IFT172: variants seen among roughly 807,000 people sequenced by gnomAD.
The protein encoded by IFT172 is intraflagellar transport 172, also known as intraflagellar transport protein 172 homolog.
In IFT172, 164 loss-of-function variants were observed where a neutral mutation model predicts 248.9. That is an observed-to-expected ratio of 0.66 (90% confidence interval 0.58 to 0.75). The LOEUF (loss-of-function observed/expected upper bound fraction) is 0.75, where lower values mean the gene tolerates loss of function less well. IFT172 is among the 30% of genes least tolerant of loss of function. The pLI, the probability that IFT172 is intolerant of heterozygous loss-of-function variation, is 0.00. For synonymous variants in IFT172, 729 were observed against 791.6 expected (o/e 0.92, Z 1.33); for missense variants, 1,950 against 2,192.4 (o/e 0.89, Z 2.21).
At chr2:27,470,138 A>G (rs943219686) in intron 16 of IFT172, among the ~76,000 whole-genome samples, 6 of 151,366 alleles carry the variant, frequency 4.0e-5, no homozygotes, top group Non-Finnish European at 7.4e-5. Context: ...CTAGCTGTAC[A>G]GGGGGCTGAG....
At position 27,454,753 on chromosome 2, in the gene IFT172, A is replaced by G; in HGVS notation, c.3372-93T>C. The G allele has an allele frequency of 9.7e-7, 1 of 1,034,608 alleles. No homozygotes were observed. Among genetic ancestry groups the G allele is most frequent in the Non-Finnish European group, 1.5e-6 (1 of 681,280 alleles). The allele number at this position is 1,034,608 out of a possible 1,614,324, so 64.1% of individuals were successfully genotyped here. On this transcript the variant is annotated intron_variant, in intron 30 of 47. Coordinates refer to ENST00000260570, the MANE Select transcript of IFT172 (RefSeq NM_015662.3). This position sits in a 1 kb window ranked among gnomAD's most constrained non-coding sequence, Gnocchi z 4.2. The stretch of plus-strand genomic sequence containing the variant: ...ACAGAGAAAGGACAGAGTTGAGGGG[A>G]GAAAAAGTGACAGATTTAAGGATAA...
In IFT172 at chr2:27,449,567, G is replaced by A; in HGVS notation, c.4161-5C>T. The A allele has an allele frequency of 6.2e-7, 1 of 1,614,118 alleles. No homozygotes were observed. The highest frequency in any genetic ancestry group is 8.5e-7 in the Non-Finnish European group (1 of 1,180,022). ...TGGTCCACATAGTCTTCATACCTGT[G>A]AAGATGTTCAGAGAGCTCCATCTTC... On this transcript the variant is annotated splice_region_variant and splice_polypyrimidine_tract_variant and intron_variant, in intron 37 of 47. Transcript: ENST00000260570.
rs750450341 is a variant in IFT172, at chr2:27,461,323, T to C, written c.2388A>G (p.Thr796=). Residue 796 remains threonine (T), a synonymous_variant, in exon 22 of 48, where the codon ACA becomes ACG. Transcript: ENST00000260570. The stretch of plus-strand genomic sequence containing the variant: ...CTGCAGTGATGTGTTCTACCAGCTC[T>C]GTGTTGGCTAGCAGTTCCTCTCGGG... ...VLTREELLAN[T]ELVEHITAAL... is the part of the protein sequence containing the mutation. 1.4e-5 allele frequency: 22 copies of C among 1,613,966 alleles called. No homozygotes were observed. Among genetic ancestry groups the C allele is most frequent in the Non-Finnish European group, 1.8e-5 (21 of 1,179,944 alleles).
At position 27,465,400 on chromosome 2, in the gene IFT172, G is replaced by A. The variant is rs753304832; in HGVS notation, c.1937+11C>T. The A allele has an allele frequency of 1.2e-6, 2 of 1,609,968 alleles. No individual in the cohort carries two copies. The highest frequency in any genetic ancestry group is 1.7e-5 in the Admixed American group (1 of 60,012). Reference sequence around the variant, plus strand: ...GCTGCGTGGCACCTCTGTTCTACATGTCTACCTCACCTCTCCGCAATGTGT... The same window carrying A: ...GCTGCGTGGCACCTCTGTTCTACATATCTACCTCACCTCTCCGCAATGTGT... On this transcript the variant is annotated intron_variant, in intron 18 of 47. Transcript: ENST00000260570.
At chr2:27,478,388 A>G (rs548259384) in intron 10 of IFT172, among the ~76,000 whole-genome samples, 1 of 152,360 alleles carries the variant, frequency 6.6e-6, no homozygotes, top group South Asian at 2.1e-4. Context: ...TATAATTCTG[A>G]AAGTTCCACT....
intron 20 of IFT172, 123 bp downstream of exon 20, chr2:27,462,578 A>T (rs1235128044): frequency 1.2e-6 from 1 of 800,688 alleles, no homozygotes; most frequent in East Asian, 2.5e-5. Flanking sequence ...CCCCTTTGAA[A>T]GTTTTCCCCA....
chr2:27,461,556 C>CT, intron 21 of IFT172, 39 bp from the exon 22 acceptor site: 1 of 1,604,794 alleles, frequency 6.2e-7, no homozygotes. Context: ...TCACATCCCC[C>CT]TTCCTACCCT....
Position 27,445,107 on chromosome 2 carries a change from T to A in IFT172, c.5069-2A>T. ...TTTTGTTCCTCAGAATGGGGTATCC[T>A]GTGGAGGAAGAAAAAATGATGAACT... On this transcript the variant is annotated splice_acceptor_variant, in intron 46 of 47. Coordinates refer to ENST00000260570, the MANE Select transcript of IFT172 (RefSeq NM_015662.3). LOFTEE classifies it high-confidence loss of function. This position sits in a 1 kb window ranked among gnomAD's most constrained non-coding sequence, Gnocchi z 4.4. 6.2e-7 allele frequency: 1 copy of A among 1,613,900 alleles called. No homozygotes were observed. Among genetic ancestry groups the A allele is most frequent in the Non-Finnish European group, 8.5e-7 (1 of 1,179,962 alleles).
rs754427502 is a variant in IFT172 at position 27,456,524 on chromosome 2, C to T, written c.3358G>A (p.Ala1120Thr). 8 of 1,613,460 alleles carry T rather than the reference C, an allele frequency of 5.0e-6. No homozygotes were observed. In the East Asian group the frequency reaches 6.7e-5, roughly 13 times the overall value. The change falls in exon 30 of 48, where the codon GCT becomes ACT. Residue 1120 changes from alanine to threonine, a missense_variant. Physicochemically the swap from Ala to Thr is moderately conservative, Grantham distance 58. Transcript: ENST00000260570. Reference sequence around the variant, plus strand: ...TTGGGGCCTCACCAATTGTCTGCAGCGTGGTCAACAGCAGCTTCCAGGAGT... The same window carrying T: ...TTGGGGCCTCACCAATTGTCTGCAGTGTGGTCAACAGCAGCTTCCAGGAGT... The part of the protein sequence containing the change: ...LGLLEAAVDH[A>T]ADNCSFEFAF...
chr2:27,463,408 G>A (rs1666834749), intron 18 of IFT172, among the ~76,000 whole-genome samples: 1 of 151,916 alleles, frequency 6.6e-6, no homozygotes, highest in Admixed American at 6.6e-5. Context: ...ATAAAATAAA[G>A]TAATGTAATA....
intron 16 of IFT172, among the ~76,000 whole-genome samples, chr2:27,470,492 C>G (rs776611998): frequency 1.1e-4 from 17 of 152,206 alleles, no homozygotes; most frequent in Non-Finnish European, 1.9e-4. Context: ...CTCGTTTTCT[C>G]TGGCTCCTCC....
chr2:27,448,046 AGGGCT>A (rs1665318683), intron 40 of IFT172, 124 bp from the exon 41 acceptor site: 1 of 566,024 alleles, frequency 1.8e-6, no homozygotes, highest in East Asian at 3.0e-5. Context: ...TGTGTGTGCA[AGGGCT>A]GGGGGACAGT....
At chr2:27,488,905 G>T (rs1411140140) in intron 1 of IFT172, among the ~76,000 whole-genome samples, 1 of 152,254 alleles carries the variant, frequency 6.6e-6, no homozygotes, top group Non-Finnish European at 1.5e-5. Context: ...ACCCGGGCGT[G>T]CTAGCGCACG....
In IFT172 at chr2:27,477,293, G is replaced by GCT; in HGVS notation, c.1247_1248dup (p.Leu417SerfsTer2). On this transcript the variant is annotated frameshift_variant, in exon 13 of 48. Coordinates refer to ENST00000260570, the MANE Select transcript of IFT172 (RefSeq NM_015662.3). LOFTEE classifies it high-confidence loss of function. ...TTATTCCCATATTCCACCAGGGTTA[G>GCT]CTCTCCGGCATTGAAGATCATGCAT... 6.2e-7 allele frequency: 1 copy of GCT among 1,614,116 alleles called. No individual in the cohort carries two copies. Among genetic ancestry groups the GCT allele is most frequent in the Non-Finnish European group, 8.5e-7 (1 of 1,179,978 alleles).
In IFT172 at chr2:27,463,182, C is replaced by CTA. The variant is rs1449374537; in HGVS notation, c.1938-3_1938-2dup. ...TACTTGGCCCAAAGCAGAAAAGCAC[C>CTA]TATGGCATGGAAGCAATAACATTAA... On this transcript the variant is annotated splice_acceptor_variant, in intron 18 of 47. Coordinates refer to ENST00000260570, the MANE Select transcript of IFT172 (RefSeq NM_015662.3). LOFTEE classifies it high-confidence loss of function. The CTA allele has an allele frequency of 1.2e-6, 2 of 1,613,738 alleles. No individual in the cohort carries two copies. The highest frequency in any genetic ancestry group is 3.3e-5 in the Admixed American group (2 of 59,992).
In IFT172 at chr2:27,459,796, T is replaced by A; in HGVS notation, c.2555A>T (p.Glu852Val). 2 of 1,612,506 alleles carry A rather than the reference T, an allele frequency of 1.2e-6. No homozygotes were observed. The highest frequency in any genetic ancestry group is 2.2e-5 in the South Asian group (2 of 91,072). Residue 852 changes from glutamate (E) to valine (V), a missense_variant, in exon 24 of 48, where the codon GAG becomes GTG. By Grantham distance (121) the Glu-to-Val change is moderately radical. Around this residue, in one of 3 missense-constraint regions of IFT172, gnomAD observed 1,166 missense variants for 1,254.1 expected, o/e 0.93. Transcript: ENST00000260570. Reference sequence around the variant, plus strand: ...CCATGCCTCCTCTAGTTTCACCACCTCCACTGGGAAGGCCAATCGAGCCAG... The same window carrying A: ...CCATGCCTCCTCTAGTTTCACCACCACCACTGGGAAGGCCAATCGAGCCAG... Reference protein sequence around the residue: ...VELARLAFPVEVVKLEEAWGD... With the variant: ...VELARLAFPVVVVKLEEAWGD...
intron 1 of IFT172, among the ~76,000 whole-genome samples, chr2:27,487,324 C>T (rs1409422939): frequency 6.6e-6 from 1 of 152,162 alleles, no homozygotes; most frequent in Non-Finnish European, 1.5e-5. Flanking sequence ...ATTAATTCTC[C>T]TTTCTCTACA....
intron 1 of IFT172, among the ~76,000 whole-genome samples, chr2:27,488,700 C>T (rs1668939939): frequency 6.6e-6 from 1 of 152,140 alleles, no homozygotes; most frequent in Non-Finnish European, 1.5e-5. Flanking sequence ...TCCCCAAGTC[C>T]CCTAAAGTTG....
intron 1 of IFT172, among the ~76,000 whole-genome samples, chr2:27,487,558 TAC>T (rs967246520): frequency 2.6e-5 from 4 of 152,186 alleles, no homozygotes; most frequent in Admixed American, 6.5e-5. Flanking sequence ...AGTTCACATA[TAC>T]AGTTTGTAAG....
Sources: allele counts gnomAD v4.1 joint callset (sites outside exome capture counted in the v4.1 genomes callset), GRCh38; gene constraint gnomAD v4.1.1; regional missense constraint gnomAD v4.1.1; non-coding constraint Gnocchi (gnomAD v3.1); transcripts MANE v1.5; gene names NCBI Gene and HGNC (gene_info 2026-07-23, HGNC 2026-07-21).